The following SEPTIN14 variants were observed in gnomAD, a reference collection of about 807,000 sequenced individuals.
SEPTIN14 encodes the protein septin 14.
Under a neutral mutation model 53.6 loss-of-function variants are expected in SEPTIN14, and 40 were observed. That is an observed-to-expected ratio of 0.75 (90% confidence interval 0.58 to 0.97). The LOEUF (loss-of-function observed/expected upper bound fraction) is 0.97. SEPTIN14 is among the 50% of genes least tolerant of loss of function. The probability of loss-of-function intolerance (pLI) is 0.00; values close to 1 mark genes in which losing one functional copy is unlikely to be tolerated. For synonymous variants in SEPTIN14, 138 were observed against 166.8 expected, an observed-to-expected ratio of 0.83 and a Z score of 1.33; for missense variants, 471 against 508.2, an observed-to-expected ratio of 0.93 and a Z score of 0.70.
At chr7:55,852,392 C>T (rs1369221731) in intron 2 of SEPTIN14, among the ~76,000 whole-genome samples, 3 of 152,056 alleles carry the variant, frequency 2.0e-5, no homozygotes, top group African/African-American at 7.2e-5. Flanking sequence ...CAGACATGTA[C>T]AGTGAACTCA....
intron 7 of SEPTIN14, among the ~76,000 whole-genome samples, chr7:55,809,287 G>A (rs1485497586): frequency 6.7e-6 from 1 of 150,316 alleles, no homozygotes; most frequent in African/African-American, 2.5e-5. Flanking sequence ...GGAGAGTGAG[G>A]ACAGAAAAGC....
At chr7:55,828,114 T>C (rs1372168065) in intron 6 of SEPTIN14, among the ~76,000 whole-genome samples, 3 of 151,084 alleles carry the variant, frequency 2.0e-5, no homozygotes, top group African/African-American at 7.3e-5. Context: ...AATTCTGAAA[T>C]GAAAGATAAT....
chr7:55,844,721 G>A lies in SEPTIN14; in HGVS notation c.176-3C>T, dbSNP rs1789371679. 1 of 1,535,082 alleles carries A rather than the reference G, an allele frequency of 6.5e-7. No individual in the cohort carries two copies. The highest frequency in any genetic ancestry group is 8.9e-7 in the Non-Finnish European group (1 of 1,122,184). ...CGATTTTCCAATTCCAGTCTCCCCT[G>A]TAATAGACATAGAGTCATTGTCATA... is the stretch of plus-strand genomic sequence containing the variant. On this transcript the variant is annotated splice_polypyrimidine_tract_variant and splice_region_variant and intron_variant, in intron 3 of 9. Transcript: ENST00000388975.
At chr7:55,830,388 C>T (rs545434136) in intron 6 of SEPTIN14, among the ~76,000 whole-genome samples, 3 of 121,216 alleles carry the variant, frequency 2.5e-5, no homozygotes, top group African/African-American at 9.5e-5. Flanking sequence ...GCTCTGTCTA[C>T]CAGGCTGGAG....
At chr7:55,809,386 C>T (rs1458646270) in intron 7 of SEPTIN14, among the ~76,000 whole-genome samples, 2 of 135,546 alleles carry the variant, frequency 1.5e-5, no homozygotes, top group African/African-American at 5.6e-5. Flanking sequence ...GATGGAATCT[C>T]GCTCTGTTGC....
Position 55,796,810 on chromosome 7 carries a change from A to T in SEPTIN14, c.1120-718T>A, listed in dbSNP as rs978204875. ...TCATCTGAAATTATCCAGTGAGAGG[A>T]CAAAGAAAAAAAGAATAAAAAAGAG... On this transcript the variant is annotated intron_variant, in intron 9 of 9. Coordinates refer to ENST00000388975, the MANE Select transcript of SEPTIN14 (RefSeq NM_207366.3). Among the ~76,000 whole-genome samples the T allele has an allele frequency of 6.6e-5, 10 of 152,096 alleles. 1 individual carries two copies. The East Asian group carries it at 7.7e-4, about 12-fold the overall frequency.
chr7:55,809,873 C>T (rs1189579915), intron 7 of SEPTIN14, among the ~76,000 whole-genome samples: 1 of 147,396 alleles, frequency 6.8e-6, no homozygotes, highest in Non-Finnish European at 1.5e-5. Flanking sequence ...CACTCTGTTG[C>T]CCAGGCTGGA....
At chr7:55,831,846 G>C (rs557272585) in intron 6 of SEPTIN14, among the ~76,000 whole-genome samples, 1 of 152,206 alleles carries the variant, frequency 6.6e-6, no homozygotes, top group African/African-American at 2.4e-5. Flanking sequence ...AGACATACAA[G>C]TGGCCACCAA....
intron 2 of SEPTIN14, among the ~76,000 whole-genome samples, chr7:55,855,271 G>A (rs907692349): frequency 6.6e-6 from 1 of 152,162 alleles, no homozygotes; most frequent in Admixed American, 6.5e-5. Context: ...GCCTCCCAAA[G>A]TGCTGGGATT....
At chr7:55,831,139 C>T (rs1386624488) in intron 6 of SEPTIN14, among the ~76,000 whole-genome samples, 5 of 151,948 alleles carry the variant, frequency 3.3e-5, no homozygotes, top group Non-Finnish European at 5.9e-5. Flanking sequence ...AAGTCAGAGG[C>T]ATCATGTGTC....
At chr7:55,808,900 ATC>A (rs1788650176) in intron 7 of SEPTIN14, among the ~76,000 whole-genome samples, 1 of 152,140 alleles carries the variant, frequency 6.6e-6, no homozygotes, top group Non-Finnish European at 1.5e-5. Context: ...TGACCCAGTA[ATC>A]CCATTACCAG....
Position 55,795,926 on chromosome 7 carries a change from T to C in SEPTIN14, c.1286A>G (p.His429Arg). 1 of 1,592,428 alleles carries C rather than the reference T, an allele frequency of 6.3e-7. No individual in the cohort carries two copies. The highest frequency in any genetic ancestry group is 1.3e-5 in the African/African-American group (1 of 74,914). The change falls in exon 10 of 10, where the codon CAT becomes CGT. Residue 429 changes from histidine to arginine, a missense_variant. Physicochemically the swap from His to Arg is conservative, Grantham distance 29. Coordinates refer to ENST00000388975, the MANE Select transcript of SEPTIN14 (RefSeq NM_207366.3). ...TAAGAGAAACTATTATTTCTTACGA[T>C]GTTTGTCTTTCTTTGTATCGGTGCT... ...QLSTDTKKDK[H>R]RKK
chr7:55,841,593 C>T (rs1488595495), intron 5 of SEPTIN14, among the ~76,000 whole-genome samples: 6 of 152,002 alleles, frequency 3.9e-5, no homozygotes, highest in Admixed American at 6.6e-5. Flanking sequence ...CAGTGGCTCA[C>T]GCCTGTAATC....
At chr7:55,810,923 A>G in intron 7 of SEPTIN14, 1 of 373,988 alleles carries the variant, frequency 2.7e-6, no homozygotes, top group South Asian at 2.2e-5. Context: ...TAACAGTGAT[A>G]GCACAGCTTG....
At chr7:55,838,028 A>T (rs1012296764) in intron 5 of SEPTIN14, among the ~76,000 whole-genome samples, 1 of 152,240 alleles carries the variant, frequency 6.6e-6, no homozygotes, top group Admixed American at 6.5e-5. Flanking sequence ...TTCCTTCTGT[A>T]TGGATAAATC....
chr7:55,846,714 C>T (rs957685226), intron 2 of SEPTIN14, 77 bp from the exon 3 acceptor site: 1 of 713,396 alleles, frequency 1.4e-6, no homozygotes, highest in Non-Finnish European at 2.3e-6. Flanking sequence ...GATTATAGTA[C>T]ATCAAATAAA....
chr7:55,845,588 A>G (rs1166591005), intron 3 of SEPTIN14, among the ~76,000 whole-genome samples: 1 of 152,236 alleles, frequency 6.6e-6, no homozygotes, highest in Non-Finnish European at 1.5e-5. Flanking sequence ...ACCGGGTAAT[A>G]GATACATTAA....
intron 7 of SEPTIN14, among the ~76,000 whole-genome samples, chr7:55,807,548 A>T (rs1292720282): frequency 6.6e-6 from 1 of 152,222 alleles, no homozygotes; most frequent in Non-Finnish European, 1.5e-5. Context: ...ATAGGTTTTT[A>T]TTAACAATTG....
chr7:55,798,422 G>C (rs1012570995), intron 9 of SEPTIN14: 1 of 246,358 alleles, frequency 4.1e-6, no homozygotes, highest in African/African-American at 2.3e-5. Context: ...CCCCTCAGGG[G>C]AGCCCCTGCT....
Sources: gnomAD v4.1 joint callset for allele counts (sites outside exome capture counted in the v4.1 genomes callset) on GRCh38, gnomAD v4.1.1 for gene constraint, MANE v1.5 for transcripts, NCBI Gene and HGNC (gene_info 2026-07-23, HGNC 2026-07-21) for gene names.